Variants in CDH7 observed in about 807,000 individuals in gnomAD.
CDH7 encodes cadherin-7.
CDH7 carries 25 observed loss-of-function variants against 71.8 expected under a neutral mutation model. The observed-to-expected ratio is 0.35, with a 90% confidence interval of 0.25 to 0.49. The LOEUF is 0.49. Ranked by LOEUF, CDH7 falls within the 20% of genes least tolerant of loss-of-function variation. The pLI is 0.99. For missense variants in CDH7, 862 were observed against 974.6 expected (o/e 0.88, Z 1.54); for synonymous variants, 381 against 363.8 (o/e 1.05, Z -0.54).
chr18:65,773,087 C>A (rs1040811313), intron 2 of CDH7, among the ~76,000 whole-genome samples: 1 of 152,032 alleles, frequency 6.6e-6, no homozygotes, highest in East Asian at 1.9e-4. Flanking sequence ...TGTGCTCAAC[C>A]AGAGCTAAGG....
At chr18:65,760,632 C>A (rs1342452810) in intron 1 of CDH7, among the ~76,000 whole-genome samples, 4 of 152,176 alleles carry the variant, frequency 2.6e-5, no homozygotes, top group Non-Finnish European at 4.4e-5. Context: ...TGGAACTGTT[C>A]TATGGCCACA....
intron 10 of CDH7, among the ~76,000 whole-genome samples, chr18:65,860,639 G>C (rs1599058354): frequency 6.6e-6 from 1 of 152,042 alleles, no homozygotes; most frequent in South Asian, 2.1e-4. Flanking sequence ...CCCCCCAACA[G>C]CATGGAAAAT....
At chr18:65,844,093 T>C in intron 7 of CDH7, 28 bp downstream of exon 7, 2 of 1,603,550 alleles carry the variant, frequency 1.2e-6, no homozygotes, top group East Asian at 2.2e-5. Flanking sequence ...TCCTTTTCTA[T>C]GGTTTTACAA....
chr18:65,793,660 A>G (rs1198129779), intron 2 of CDH7, among the ~76,000 whole-genome samples: 4 of 152,176 alleles, frequency 2.6e-5, no homozygotes, highest in African/African-American at 7.2e-5. Flanking sequence ...AAAGTATCCT[A>G]TCATTCAGTG....
chr18:65,813,537 A>C (rs1194459480), intron 3 of CDH7, among the ~76,000 whole-genome samples: 1 of 152,138 alleles, frequency 6.6e-6, no homozygotes, highest in African/African-American at 2.4e-5. Flanking sequence ...AATCAATCTA[A>C]AAATATGTTA....
chr18:65,792,945 C>T (rs536278598), intron 2 of CDH7, among the ~76,000 whole-genome samples: 18 of 152,178 alleles, frequency 1.2e-4, no homozygotes, highest in Admixed American at 5.9e-4. Flanking sequence ...CCTCTGAGAC[C>T]CTGCCTTGGA....
rs555343366 is a variant in CDH7 at position 65,777,106 on chromosome 18, A to G, written c.210+14054A>G. 3.9e-5 allele frequency among the ~76,000 whole-genome samples: 6 copies of G among 152,160 alleles called. No homozygotes were observed. The South Asian group carries it at 1.0e-3, about 26-fold the overall frequency. ...TTGGGTAGGCAGGTGTTCTAGAAAA[A>G]CCAGAAGAAAAATGAAGATCAGAGA... On this transcript the variant is annotated intron_variant, in intron 2 of 11. Coordinates refer to ENST00000397968, the MANE Select transcript of CDH7 (RefSeq NM_004361.5).
intron 11 of CDH7, among the ~76,000 whole-genome samples, chr18:65,871,247 C>G (rs1350439571): frequency 6.6e-6 from 1 of 152,124 alleles, no homozygotes; most frequent in Non-Finnish European, 1.5e-5. Context: ...TGAATAAAGA[C>G]AGTTATCGCC....
intron 9 of CDH7, 43 bp downstream of exon 9, chr18:65,859,089 T>TA: frequency 6.3e-7 from 1 of 1,592,886 alleles, no homozygotes; most frequent in Non-Finnish European, 8.6e-7. Flanking sequence ...TGTGGTTTCT[T>TA]AAAAAATATC....
chr18:65,791,896 T>A (rs1389537967), intron 2 of CDH7, among the ~76,000 whole-genome samples: 1 of 152,196 alleles, frequency 6.6e-6, no homozygotes, highest in East Asian at 1.9e-4. Context: ...TATTCTCCAA[T>A]CATCCTTATC....
intron 2 of CDH7, among the ~76,000 whole-genome samples, chr18:65,787,094 T>C (rs1421394026): frequency 6.6e-6 from 1 of 152,178 alleles, no homozygotes; most frequent in African/African-American, 2.4e-5. Context: ...ATCATTATCA[T>C]TAGCAGCATT....
chr18:65,832,913 A>G (rs1054986595), intron 6 of CDH7, among the ~76,000 whole-genome samples: 7 of 152,090 alleles, frequency 4.6e-5, no homozygotes, highest in Non-Finnish European at 7.4e-5. Flanking sequence ...ATGCATTACT[A>G]TGGAGTTACT....
chr18:65,809,247 G>A (rs1242788375), intron 2 of CDH7, among the ~76,000 whole-genome samples: 1 of 152,058 alleles, frequency 6.6e-6, no homozygotes, highest in African/African-American at 2.4e-5. Flanking sequence ...GGAGAGAAGG[G>A]CACCCTTAAA....
intron 9 of CDH7, 64 bp from the exon 10 acceptor site, chr18:65,859,644 C>T (rs1913487990): frequency 3.1e-6 from 3 of 962,960 alleles, no homozygotes; most frequent in Admixed American, 3.5e-5. Context: ...TTGCTTTGTC[C>T]TGCCACAGAA....
At chr18:65,824,889 A>G (rs1912072566) in intron 6 of CDH7, 58 bp downstream of exon 6, 1 of 1,223,566 alleles carries the variant, frequency 8.2e-7, no homozygotes, top group Admixed American at 2.0e-5. Flanking sequence ...TTTCTGTTTG[A>G]TGGGAGAATG....
chr18:65,757,380 C>A (rs1419751539), intron 1 of CDH7, among the ~76,000 whole-genome samples: 3 of 151,942 alleles, frequency 2.0e-5, no homozygotes, highest in Middle Eastern at 3.2e-3. Context: ...ATTTTTACCT[C>A]TTGTTTTTTC....
chr18:65,858,800 A>T, intron 8 of CDH7, 125 bp from the exon 9 acceptor site: 1 of 852,836 alleles, frequency 1.2e-6, no homozygotes, highest in Non-Finnish European at 1.8e-6. Context: ...CGTATTTTCT[A>T]TAGCTCCTTT....
At position 65,882,918 on chromosome 18, in the gene CDH7, G is replaced by T. The variant is rs1914271921; in HGVS notation, c.*2024G>T. On this transcript the variant is annotated 3_prime_UTR_variant, in exon 12 of 12. Coordinates refer to ENST00000397968, the MANE Select transcript of CDH7 (RefSeq NM_004361.5). The stretch of plus-strand genomic sequence containing the variant: ...GAAAACAGTTTGTAATAATCCCCTT[G>T]TTGTCTGCAAGAAGATGAAATAGTT... 6.6e-6 allele frequency: 1 copy of T among 152,070 alleles called. No homozygotes were observed. 9.4% of individuals were successfully genotyped at this position (152,070 alleles called of 1,614,324 possible). A position where few individuals can be genotyped will look rare whatever the true frequency, so the allele number is the denominator to read the frequency against.
chr18:65,841,860 C>T (rs1473417466), intron 6 of CDH7, among the ~76,000 whole-genome samples: 3 of 151,862 alleles, frequency 2.0e-5, no homozygotes, highest in Admixed American at 2.0e-4. Context: ...TTTTGACCAC[C>T]GTTGGACAAG....
Sources: gnomAD v4.1 joint callset for allele counts (sites outside exome capture counted in the v4.1 genomes callset) on GRCh38, gnomAD v4.1.1 for gene constraint, MANE v1.5 for transcripts, NCBI Gene and HGNC (gene_info 2026-07-23, HGNC 2026-07-21) for gene names.